The following CLN6 variants were observed in gnomAD, a reference collection of about 807,000 sequenced individuals.
CLN6 encodes the protein CLN6 transmembrane ER protein.
CLN6 carries 22 observed loss-of-function variants against 33.3 expected under a neutral mutation model. The observed-to-expected ratio is 0.66, with a 90% CI of 0.47 to 0.94. CLN6 has a LOEUF of 0.94. Ranked by LOEUF, CLN6 falls within the 40% of genes least tolerant of loss-of-function variation. The pLI is 0.00. For synonymous variants in CLN6, 201 were observed against 174.6 expected, an observed-to-expected ratio of 1.15 and a Z score of -1.19; for missense variants, 387 against 417.1, an observed-to-expected ratio of 0.93 and a Z score of 0.63.
At chr15:68,253,732 G>C (rs1287566855) in intron 1 of CLN6, among the ~76,000 whole-genome samples, 1 of 152,162 alleles carries the variant, frequency 6.6e-6, no homozygotes, top group African/African-American at 2.4e-5. Context: ...CACAAATGTC[G>C]GCAGATACTT....
intron 1 of CLN6, among the ~76,000 whole-genome samples, chr15:68,218,978 T>C (rs774309261): frequency 2.0e-4 from 30 of 152,194 alleles, no homozygotes; most frequent in Non-Finnish European, 4.3e-4. Context: ...AGCATGAAAC[T>C]TGATGATGGA....
chr15:68,224,230 C>T lies in CLN6; in HGVS notation c.83+5272G>A, dbSNP rs1424482627. On this transcript the variant is annotated intron_variant, in intron 1 of 6. Coordinates refer to ENST00000249806, the MANE Select transcript of CLN6 (RefSeq NM_017882.3). ...GCAGTGAGCTATGACCGTACCACTG[C>T]ACTTTAGCCTGGGTGACAGAGTAAG... is the stretch of plus-strand genomic sequence containing the variant. 8.1e-5 allele frequency among the ~76,000 whole-genome samples: 10 copies of T among 124,002 alleles called. No individual in the cohort carries two copies. The East Asian group carries it at 2.6e-3, about 32-fold the overall frequency. The allele number at this position is 124,002 out of a possible 152,430, so 81.4% of individuals were successfully genotyped here. A position where few individuals can be genotyped will look rare whatever the true frequency, so the allele number is the denominator to read the frequency against.
rs1567101211 is a variant in CLN6, at chr15:68,228,816, A to G, written c.83+686T>C. ...CTTACTGCCTGGCACAGCGCTGGGC[A>G]TACCACAGGCGCTTAAAGAATGCCT... On this transcript the variant is annotated intron_variant, in intron 1 of 6. Transcript: ENST00000249806. The surrounding 1 kb of genome is among the most constrained non-coding windows in gnomAD (Gnocchi z 4.4). Among the ~76,000 whole-genome samples, 1 of 152,174 alleles carries G rather than the reference A, an allele frequency of 6.6e-6. No homozygotes were observed. Among genetic ancestry groups the G allele is most frequent in the Non-Finnish European group, 1.5e-5 (1 of 68,030 alleles).
intron 3 of CLN6, chr15:68,212,200 T>TC (rs2093208144): frequency 6.0e-6 from 2 of 330,714 alleles, no homozygotes; most frequent in African/African-American, 4.3e-5. Flanking sequence ...GGCCCAGCCC[T>TC]CCCACTGTCC....
At chr15:68,232,453 G>C (rs1362559962), upstream of CLN6, among the ~76,000 whole-genome samples, 3 of 152,224 alleles carry the variant, frequency 2.0e-5, no homozygotes, top group African/African-American at 7.2e-5. The surrounding 1 kb of genome is among the most constrained non-coding windows in gnomAD (Gnocchi z 4.7). Context: ...CACTGCACCA[G>C]GCCTGTATCA....
At chr15:68,231,825 C>T (rs528866067), upstream of CLN6, among the ~76,000 whole-genome samples, 205 of 152,310 alleles carry the variant, frequency 1.3e-3, 1 homozygote, top group African/African-American at 4.7e-3. Flanking sequence ...TCTCCCTGTC[C>T]GGTGGGATTA....
In CLN6 at chr15:68,227,350, C is replaced by T. The variant is rs1157763804; in HGVS notation, c.83+2152G>A. Among the ~76,000 whole-genome samples, 1 of 152,170 alleles carries T rather than the reference C, an allele frequency of 6.6e-6. No individual in the cohort carries two copies. The highest frequency in any genetic ancestry group is 1.5e-5 in the Non-Finnish European group (1 of 68,014). On this transcript the variant is annotated intron_variant, in intron 1 of 6. Transcript: ENST00000249806. The surrounding 1 kb of genome is among the most constrained non-coding windows in gnomAD (Gnocchi z 4.1). ...CATGGCACCCGGCCTAATTGTAACACTTTCATTATAATACAAAAACTGGCA... is the reference window on the plus strand; with the variant it reads ...CATGGCACCCGGCCTAATTGTAACATTTTCATTATAATACAAAAACTGGCA...
rs572631489 is a variant in CLN6 at position 68,222,889 on chromosome 15, G to A, written c.84-4239C>T. On this transcript the variant is annotated intron_variant, in intron 1 of 6. Coordinates refer to ENST00000249806, the MANE Select transcript of CLN6 (RefSeq NM_017882.3). Reference sequence around the variant, plus strand: ...CTCAGGGTTAAATGGATTAAGGGTGGTGCAAGATGTGCTTTGTTAAACAGA... The same window carrying A: ...CTCAGGGTTAAATGGATTAAGGGTGATGCAAGATGTGCTTTGTTAAACAGA... Among the ~76,000 whole-genome samples the A allele has an allele frequency of 7.9e-5, 12 of 152,266 alleles. No individual in the cohort carries two copies. The South Asian group carries it at 2.5e-3, about 32-fold the overall frequency.
At position 68,208,098 on chromosome 15, in the gene CLN6, A is replaced by G. The variant is rs754655363; in HGVS notation, c.*42T>C. 3 of 448,452 alleles carry G rather than the reference A, an allele frequency of 6.7e-6. No homozygotes were observed. Among genetic ancestry groups the G allele is most frequent in the Non-Finnish European group, 1.1e-5 (3 of 279,248 alleles). The allele number at this position is 448,452 out of a possible 1,614,324, so 27.8% of individuals were successfully genotyped here. A position where few individuals can be genotyped will look rare whatever the true frequency, so the allele number is the denominator to read the frequency against. On this transcript the variant is annotated 3_prime_UTR_variant, in exon 7 of 7. Coordinates refer to ENST00000249806, the MANE Select transcript of CLN6 (RefSeq NM_017882.3). The surrounding 1 kb of genome is among the most constrained non-coding windows in gnomAD (Gnocchi z 5.8). ...TGTATTCAGATGCCCTCCATGGCCC[A>G]CCCTCCCACCCAGCAGAGCGCCAGA... is the stretch of plus-strand genomic sequence containing the variant.
At position 68,234,771 on chromosome 15, in the gene CLN6, C is replaced by A. The variant is rs944486330; in HGVS notation, c.180-16121G>T. The stretch of plus-strand genomic sequence containing the variant: ...GTGGCTCACGCATGTAATCCCAGCA[C>A]TTTGGGAGGCCAAGGTGAGCAGATC... On this transcript the variant is annotated intron_variant, in intron 1 of 6. Coordinates refer to the CLN6 transcript ENST00000538696. The surrounding 1 kb of genome is among the most constrained non-coding windows in gnomAD (Gnocchi z 4.1). 4.6e-5 allele frequency among the ~76,000 whole-genome samples: 7 copies of A among 152,234 alleles called. No homozygotes were observed. The highest frequency in any genetic ancestry group is 1.0e-4 in the Non-Finnish European group (7 of 68,036).
At chr15:68,254,618 G>C in intron 1 of CLN6, 1 of 629,986 alleles carries the variant, frequency 1.6e-6, no homozygotes, top group Non-Finnish European at 2.8e-6. Flanking sequence ...TCCCGCCGCC[G>C]TTGCCGCCAC....
At chr15:68,230,691 T>C (rs1190741686), upstream of CLN6, among the ~76,000 whole-genome samples, 1 of 152,194 alleles carries the variant, frequency 6.6e-6, no homozygotes, top group Non-Finnish European at 1.5e-5. The surrounding 1 kb of genome is among the most constrained non-coding windows in gnomAD (Gnocchi z 4.0). Flanking sequence ...TATGAAACTC[T>C]TAGCAGAGAG....
intron 1 of CLN6, among the ~76,000 whole-genome samples, chr15:68,240,088 T>TA (rs1408773004): frequency 6.6e-6 from 1 of 152,108 alleles, no homozygotes; most frequent in African/African-American, 2.4e-5. Flanking sequence ...TATCAGGACT[T>TA]ATGGATGCAG....
At chr15:68,214,509 T>C in intron 2 of CLN6, 121 bp from the exon 3 acceptor site, 2 of 703,718 alleles carry the variant, frequency 2.8e-6, no homozygotes, top group South Asian at 3.0e-5. Context: ...CCCCATCATG[T>C]ACACTTAATT....
intron 2 of CLN6, among the ~76,000 whole-genome samples, chr15:68,216,813 C>G (rs539132058): frequency 6.6e-6 from 1 of 152,212 alleles, no homozygotes; most frequent in African/African-American, 2.4e-5. Context: ...TCCCTACGGG[C>G]AGATTCTCGG....
rs1298791507 is a variant in CLN6 at position 68,211,164 on chromosome 15, C to CCGCA, written c.542+95_542+98dup. 9.8e-7 allele frequency: 1 copy of CCGCA among 1,015,852 alleles called. No homozygotes were observed. The allele number at this position is 1,015,852 out of a possible 1,614,324, so 62.9% of individuals were successfully genotyped here. A position where few individuals can be genotyped will look rare whatever the true frequency, so the allele number is the denominator to read the frequency against. ...GGGATGAGACTCAACACATGGAGAC[C>CCGCA]CGCAGCCCAGACAGCCTTGCTCAGT... On this transcript the variant is annotated intron_variant, in intron 5 of 6. Coordinates refer to ENST00000249806, the MANE Select transcript of CLN6 (RefSeq NM_017882.3). The surrounding 1 kb of genome is among the most constrained non-coding windows in gnomAD (Gnocchi z 5.9).
chr15:68,218,766 A>G, intron 1 of CLN6, 116 bp from the exon 2 acceptor site: 1 of 724,602 alleles, frequency 1.4e-6, no homozygotes, highest in Non-Finnish European at 2.4e-6. Flanking sequence ...GACACACATA[A>G]TTGAGTTCTA....
At chr15:68,237,420 CG>C (rs1892231809) in intron 1 of CLN6, among the ~76,000 whole-genome samples, 1 of 151,962 alleles carries the variant, frequency 6.6e-6, no homozygotes. Context: ...CCCAAAAGGT[CG>C]GGGCTGCAGT....
chr15:68,229,488 C>G lies in CLN6; in HGVS notation c.83+14G>C, dbSNP rs759502858. On this transcript the variant is annotated intron_variant, in intron 1 of 6. Coordinates refer to ENST00000249806, the MANE Select transcript of CLN6 (RefSeq NM_017882.3). ...AGGCGCCTAGCCCGCCCTCTCACCCCGGCGCGCGCCCACCTGGCCTGCAGG... is the reference window on the plus strand; with the variant it reads ...AGGCGCCTAGCCCGCCCTCTCACCCGGGCGCGCGCCCACCTGGCCTGCAGG... The G allele has an allele frequency of 1.4e-6, 2 of 1,460,866 alleles. No homozygotes were observed. Among genetic ancestry groups the G allele is most frequent in the South Asian group, 1.3e-5 (1 of 77,400 alleles). The allele number at this position is 1,460,866 out of a possible 1,614,324, so 90.5% of individuals were successfully genotyped here. A position where few individuals can be genotyped will look rare whatever the true frequency, so the allele number is the denominator to read the frequency against.
Sources: allele counts gnomAD v4.1 joint callset (sites outside exome capture counted in the v4.1 genomes callset), GRCh38; gene constraint gnomAD v4.1.1; non-coding constraint Gnocchi (gnomAD v3.1); transcripts MANE v1.5; gene names NCBI Gene and HGNC (gene_info 2026-07-23, HGNC 2026-07-21).